Variants in NLGN1 observed in about 807,000 individuals in gnomAD.
NLGN1 encodes neuroligin-1.
Under a neutral mutation model 65.5 loss-of-function variants are expected in NLGN1, and 12 were observed. The ratio of observed to expected loss-of-function variants is 0.18; its 90% confidence interval spans 0.12 to 0.30. The LOEUF is 0.30. NLGN1 is among the 10% of genes least tolerant of loss of function. The pLI, the probability that NLGN1 is intolerant of heterozygous loss-of-function variation, is 1.00. For missense variants in NLGN1, 750 were observed against 1,007.1 expected (o/e 0.74, Z 3.46); for synonymous variants, 350 against 359.5 (o/e 0.97, Z 0.30).
chr3:174,221,122 A>G (rs778513938), intron 4 of NLGN1, among the ~76,000 whole-genome samples: 4 of 151,924 alleles, frequency 2.6e-5, no homozygotes, highest in Admixed American at 6.5e-5. Context: ...TTATTACTCC[A>G]TTTTTCTGTC....
At chr3:174,268,157 G>T (rs572154635) in intron 4 of NLGN1, among the ~76,000 whole-genome samples, 1 of 152,054 alleles carries the variant, frequency 6.6e-6, no homozygotes, top group African/African-American at 2.4e-5. Flanking sequence ...ACATATTCCC[G>T]CACAATCAAA....
intron 3 of NLGN1, among the ~76,000 whole-genome samples, chr3:173,737,301 A>T (rs189174428): frequency 6.6e-5 from 10 of 152,120 alleles, no homozygotes; most frequent in Middle Eastern, 3.4e-3. Flanking sequence ...AAGGTGTATG[A>T]TTCAGTGGTT....
intron 2 of NLGN1, among the ~76,000 whole-genome samples, chr3:173,589,013 A>C (rs1269640730): frequency 3.9e-5 from 6 of 152,204 alleles, no homozygotes; most frequent in African/African-American, 1.4e-4. Flanking sequence ...ATTTTGGAAC[A>C]AATGCAAGTT....
chr3:174,050,900 G>C (rs1734682280), intron 4 of NLGN1, among the ~76,000 whole-genome samples: 1 of 152,052 alleles, frequency 6.6e-6, no homozygotes, highest in Non-Finnish European at 1.5e-5. Flanking sequence ...CTGGCCAGTT[G>C]AGCACGATGA....
intron 4 of NLGN1, among the ~76,000 whole-genome samples, chr3:173,854,547 T>G (rs1040648508): frequency 6.6e-5 from 10 of 152,010 alleles, no homozygotes; most frequent in African/African-American, 2.4e-4. Context: ...AGATAATGAA[T>G]AGCCTATTTA....
At chr3:173,732,568 T>C (rs1326410738) in intron 3 of NLGN1, among the ~76,000 whole-genome samples, 1 of 152,152 alleles carries the variant, frequency 6.6e-6, no homozygotes, top group Admixed American at 6.6e-5. Context: ...TAACCAGCTG[T>C]ATATTTCAGT....
At chr3:174,094,622 A>G (rs1745115111) in intron 4 of NLGN1, among the ~76,000 whole-genome samples, 1 of 152,000 alleles carries the variant, frequency 6.6e-6, no homozygotes, top group Admixed American at 6.6e-5. Context: ...GAGGGTATAA[A>G]CAATAGTATT....
At chr3:173,702,238 CA>C (rs67328889) in intron 3 of NLGN1, among the ~76,000 whole-genome samples, 31,732 of 89,646 alleles carry the variant, frequency 0.35, 3,759 homozygotes, top group African/African-American at 0.48. Context: ...GACTCCGTCT[CA>C]AAAAAAAAAA....
intron 3 of NLGN1, among the ~76,000 whole-genome samples, chr3:173,714,960 C>T (rs1057317056): frequency 8.5e-5 from 13 of 152,106 alleles, no homozygotes; most frequent in African/African-American, 3.1e-4. Context: ...GAAGAGTTCT[C>T]TTCTCTGCCT....
At chr3:173,899,517 T>G (rs938177610) in intron 4 of NLGN1, among the ~76,000 whole-genome samples, 2 of 152,160 alleles carry the variant, frequency 1.3e-5, no homozygotes, top group Admixed American at 1.3e-4. Context: ...AGGCCAAACC[T>G]GGCCTCCTAG....
At chr3:173,920,961 A>G (rs1741890265) in intron 4 of NLGN1, among the ~76,000 whole-genome samples, 1 of 151,946 alleles carries the variant, frequency 6.6e-6, no homozygotes. Context: ...GGAACACAAT[A>G]TAAACAACGA....
chr3:173,574,777 C>A (rs1350380298), intron 2 of NLGN1, among the ~76,000 whole-genome samples: 1 of 152,120 alleles, frequency 6.6e-6, no homozygotes, highest in Non-Finnish European at 1.5e-5. Flanking sequence ...ATCATTTAGC[C>A]CATATGTCAC....
At chr3:174,068,193 C>T (rs1450000370) in intron 4 of NLGN1, among the ~76,000 whole-genome samples, 1 of 151,930 alleles carries the variant, frequency 6.6e-6, no homozygotes, top group Non-Finnish European at 1.5e-5. Flanking sequence ...TGGCAGCCCG[C>T]TCTGCCTAGG....
At chr3:173,873,936 G>A (rs1355452459) in intron 4 of NLGN1, among the ~76,000 whole-genome samples, 2 of 152,152 alleles carry the variant, frequency 1.3e-5, no homozygotes, top group South Asian at 2.1e-4. Flanking sequence ...AATCCCATAT[G>A]ACTGGTGCCA....
chr3:173,520,664 A>G (rs1049691384), intron 2 of NLGN1, among the ~76,000 whole-genome samples: 1 of 152,240 alleles, frequency 6.6e-6, no homozygotes, highest in Non-Finnish European at 1.5e-5. Flanking sequence ...TGCAGGATGC[A>G]TAACAGGTAG....
At chr3:173,472,800 G>A (rs1309411310) in intron 2 of NLGN1, among the ~76,000 whole-genome samples, 1 of 151,746 alleles carries the variant, frequency 6.6e-6, no homozygotes, top group Non-Finnish European at 1.5e-5. Flanking sequence ...TTCAATTGTC[G>A]ACCTAAAAAA....
chr3:173,770,849 AT>A (rs1779476948), intron 3 of NLGN1, among the ~76,000 whole-genome samples: 1 of 152,146 alleles, frequency 6.6e-6, no homozygotes, highest in Non-Finnish European at 1.5e-5. Flanking sequence ...GAAAAAAAAA[AT>A]CCTGCTATTT....
intron 3 of NLGN1, among the ~76,000 whole-genome samples, chr3:173,744,569 C>CG: frequency 6.6e-6 from 1 of 152,090 alleles, no homozygotes; most frequent in East Asian, 1.9e-4. Flanking sequence ...AAGGTAACAA[C>CG]GTAGCTGAGA....
chr3:173,985,714 C>T (rs185510519), intron 4 of NLGN1, among the ~76,000 whole-genome samples: 11 of 152,246 alleles, frequency 7.2e-5, no homozygotes, highest in East Asian at 5.8e-4. Flanking sequence ...CTTTGGGAGG[C>T]GCAAGCGGGT....
Sources: allele counts gnomAD v4.1 joint callset (sites outside exome capture counted in the v4.1 genomes callset), GRCh38; gene constraint gnomAD v4.1.1; transcripts MANE v1.5; gene names NCBI Gene and HGNC (gene_info 2026-07-23, HGNC 2026-07-21).